The following SERPINA1 variants were observed in gnomAD, a reference collection of about 807,000 sequenced individuals.
The protein encoded by SERPINA1 is alpha-1-antitrypsin.
In SERPINA1, 21 loss-of-function variants were observed where a neutral mutation model predicts 25.4. That is an observed-to-expected ratio of 0.83 (90% CI 0.59 to 1.19). The LOEUF (loss-of-function observed/expected upper bound fraction) is 1.19, where lower values mean the gene tolerates loss of function less well. SERPINA1 is among the 50% of genes most tolerant of loss of function. The pLI, the probability that SERPINA1 is intolerant of heterozygous loss-of-function variation, is 0.00. For synonymous variants in SERPINA1, 218 were observed against 211.1 expected, an observed-to-expected ratio of 1.03 and a Z score of -0.29; for missense variants, 546 against 509.0, an observed-to-expected ratio of 1.07 and a Z score of -0.70.
In SERPINA1 at chr14:94,383,102, T is replaced by G; in HGVS notation, c.136A>C (p.Thr46Pro). 6.2e-7 allele frequency: 1 copy of G among 1,614,150 alleles called. No homozygotes were observed. Residue 46 changes from threonine to proline, a missense_variant, in exon 2 of 5, where the codon ACC becomes CCC. Physicochemically the swap from Thr to Pro is conservative, Grantham distance 38 (BLOSUM62 -1). Coordinates refer to ENST00000393087, the MANE Select transcript of SERPINA1 (RefSeq NM_000295.5). ...DTSHHDQDHP[T>P]FNKITPNLAE... Reference sequence around the variant, plus strand: ...AGGTTGGGGGTGATCTTGTTGAAGGTTGGGTGATCCTGATCATGGTGGGAT... The same window carrying G: ...AGGTTGGGGGTGATCTTGTTGAAGGGTGGGTGATCCTGATCATGGTGGGAT...
intron 1 of SERPINA1, among the ~76,000 whole-genome samples, chr14:94,385,369 G>A (rs925331063): frequency 2.6e-4 from 40 of 152,286 alleles, no homozygotes; most frequent in African/African-American, 9.1e-4. Flanking sequence ...CGCTTTATCT[G>A]CCAGGGTGGA....
chr14:94,382,466 G>T, intron 2 of SERPINA1, 126 bp downstream of exon 2: 1 of 1,108,592 alleles, frequency 9.0e-7, no homozygotes, highest in Non-Finnish European at 1.3e-6. Context: ...GAAAACTGAA[G>T]AATCCACGCT....
At chr14:94,388,159 G>A (rs1897408124) in intron 1 of SERPINA1, among the ~76,000 whole-genome samples, 1 of 152,088 alleles carries the variant, frequency 6.6e-6, no homozygotes, top group African/African-American at 2.4e-5. Context: ...GAGGCTTATA[G>A]GAGACAACAG....
rs143370956 is a variant in SERPINA1 at position 94,378,613 on chromosome 14, C to A, written c.1093G>T (p.Asp365Tyr). The A allele has an allele frequency of 3.7e-6, 6 of 1,613,998 alleles. No homozygotes were observed. The highest frequency in any genetic ancestry group is 1.1e-5 in the South Asian group (1 of 91,082). The change falls in exon 5 of 5, where the codon GAC (aspartate) becomes TAC (tyrosine). Residue 365 changes from aspartate (D) to tyrosine (Y), a missense_variant. Physicochemically the swap from Asp to Tyr is radical, Grantham distance 160. Transcript: ENST00000393087. Reference sequence around the variant, plus strand: ...CCAGCAGCTTCAGTCCCTTTCTCGTCGATGGTCAGCACAGCCTTATGCACG... The same window carrying A: ...CCAGCAGCTTCAGTCCCTTTCTCGTAGATGGTCAGCACAGCCTTATGCACG... The part of the protein sequence containing the change: ...KAVHKAVLTI[D>Y]EKGTEAAGAM...
rs1566759056 is a variant in SERPINA1 at position 94,383,203 on chromosome 14, A to G, written c.35T>C (p.Leu12Pro). 6.2e-7 allele frequency: 1 copy of G among 1,613,982 alleles called. No individual in the cohort carries two copies. Among genetic ancestry groups the G allele is most frequent in the Non-Finnish European group, 8.5e-7 (1 of 1,180,030 alleles). ...PSSVSWGILL[L>P]AGLCCLVPVS... ...AGGGACCAGGCAGCACAGGCCTGCCAGCAGGAGGATGCCCCACGAGACAGA... is the reference window on the plus strand; with the variant it reads ...AGGGACCAGGCAGCACAGGCCTGCCGGCAGGAGGATGCCCCACGAGACAGA... The change falls in exon 2 of 5, where the codon CTG (leucine) becomes CCG (proline). Residue 12 changes from leucine (L) to proline (P), a missense_variant. By Grantham distance (98) the Leu-to-Pro change is moderately conservative (BLOSUM62 -3). Transcript: ENST00000393087.
intron 3 of SERPINA1, among the ~76,000 whole-genome samples, chr14:94,379,812 A>G (rs542692622): frequency 8.5e-6 from 1 of 117,782 alleles, no homozygotes; most frequent in South Asian, 3.1e-4. Flanking sequence ...TTAACATCGA[A>G]TGAATCACAA....
chr14:94,381,391 G>T (rs570882854), intron 2 of SERPINA1, among the ~76,000 whole-genome samples: 8 of 152,182 alleles, frequency 5.3e-5, no homozygotes, highest in Non-Finnish European at 7.3e-5. Context: ...GCGATGTCAG[G>T]CTAAGAGATG....
rs779938258 is a variant in SERPINA1 at position 94,379,592 on chromosome 14, G to A, written c.937C>T (p.Pro313Ser). ...EDRRSASLHL[P>S]KLSITGTYDL... ...TAGGTTCCAGTAATGGACAGTTTGG[G>A]TAAATGTAAGCTGGCAGACCTGTCG... Residue 313 changes from proline (P) to serine (S), a missense_variant, in exon 4 of 5, where the codon CCC becomes TCC. Coordinates refer to ENST00000393087, the MANE Select transcript of SERPINA1 (RefSeq NM_000295.5). 1.9e-6 allele frequency: 3 copies of A among 1,614,198 alleles called. No individual in the cohort carries two copies. Among genetic ancestry groups the A allele is most frequent in the Non-Finnish European group, 1.7e-6 (2 of 1,180,040 alleles).
chr14:94,388,345 G>C (rs566082545), intron 1 of SERPINA1, among the ~76,000 whole-genome samples: 51 of 152,240 alleles, frequency 3.3e-4, no homozygotes, highest in African/African-American at 1.2e-3. Flanking sequence ...AGGTACCGAG[G>C]GGGGACCGGG....
Position 94,377,483 on chromosome 14 carries a change from G to A in SERPINA1, c.*966C>T, listed in dbSNP as rs1159124014. 6.6e-6 allele frequency: 1 copy of A among 152,382 alleles called. No homozygotes were observed. The highest frequency in any genetic ancestry group is 6.5e-5 in the Admixed American group (1 of 15,290). The allele number at this position is 152,382 out of a possible 1,614,324, so 9.4% of individuals were successfully genotyped here. A position where few individuals can be genotyped will look rare whatever the true frequency, so the allele number is the denominator to read the frequency against. On this transcript the variant is annotated 3_prime_UTR_variant, in exon 5 of 5. Transcript: ENST00000393087. ...ATGTGGCCCCAGTCGGGACTCAGAGGAGGAAAGGGAGGGGTTGCGGGGGTC... is the reference window on the plus strand; with the variant it reads ...ATGTGGCCCCAGTCGGGACTCAGAGAAGGAAAGGGAGGGGTTGCGGGGGTC...
At chr14:94,379,370 C>G in intron 4 of SERPINA1, 94 bp downstream of exon 4, 1 of 1,551,764 alleles carries the variant, frequency 6.4e-7, no homozygotes, top group Non-Finnish European at 8.9e-7. Flanking sequence ...TTGTTTCCCT[C>G]GGCCCCTTCC....
chr14:94,381,747 G>T (rs1002731664), intron 2 of SERPINA1, among the ~76,000 whole-genome samples: 3 of 152,200 alleles, frequency 2.0e-5, no homozygotes, highest in Non-Finnish European at 2.9e-5. Flanking sequence ...ACTGGGGCTG[G>T]AGAGGGACCT....
intron 3 of SERPINA1, chr14:94,380,668 C>T (rs1403509664): frequency 4.5e-6 from 3 of 666,216 alleles, no homozygotes; most frequent in Non-Finnish European, 8.0e-6. Context: ...CCCCTGGGTA[C>T]TGTCCTCCTC....
chr14:94,382,854 G>A lies in SERPINA1; in HGVS notation c.384C>T (p.Asn128=). Residue 128 remains asparagine, a synonymous_variant, in exon 2 of 5, where the codon AAC becomes AAT. Transcript: ENST00000393087. ...TCAGCTGGAGCTGGCTGTCTGGCTG[G>A]TTGAGGGTACGGAGGAGTTCCTGGA... ...EGFQELLRTL[N]QPDSQLQLTT... 6.2e-7 allele frequency: 1 copy of A among 1,614,228 alleles called. No homozygotes were observed. The highest frequency in any genetic ancestry group is 8.5e-7 in the Non-Finnish European group (1 of 1,180,034).
chr14:94,379,371 G>C, intron 4 of SERPINA1, 93 bp downstream of exon 4: 1 of 1,553,526 alleles, frequency 6.4e-7, no homozygotes, highest in Non-Finnish European at 8.9e-7. Context: ...TGTTTCCCTC[G>C]GCCCCTTCCT....
Position 94,378,613 on chromosome 14 carries a change from C to G in SERPINA1, c.1093G>C (p.Asp365His), listed in dbSNP as rs143370956. 35 of 1,614,116 alleles carry G rather than the reference C, an allele frequency of 2.2e-5. No individual in the cohort carries two copies. The highest frequency in any genetic ancestry group is 9.9e-5 in the South Asian group (9 of 91,078). ...KAVHKAVLTI[D>H]EKGTEAAGAM... ...CCAGCAGCTTCAGTCCCTTTCTCGT[C>G]GATGGTCAGCACAGCCTTATGCACG... Residue 365 changes from aspartate (D) to histidine (H), a missense_variant, in exon 5 of 5, where the codon GAC becomes CAC. Coordinates refer to ENST00000393087, the MANE Select transcript of SERPINA1 (RefSeq NM_000295.5).
At chr14:94,388,193 G>A (rs1271339046) in intron 1 of SERPINA1, among the ~76,000 whole-genome samples, 3 of 152,130 alleles carry the variant, frequency 2.0e-5, no homozygotes, top group Non-Finnish European at 2.9e-5. Flanking sequence ...ACAGACAGAG[G>A]AGCTGTGCAA....
chr14:94,381,285 C>T (rs900635768), intron 2 of SERPINA1, 144 bp from the exon 3 acceptor site: 7 of 809,992 alleles, frequency 8.6e-6, no homozygotes, highest in Admixed American at 2.3e-5. Context: ...GCTTCATCAT[C>T]TGTAAAAGGT....
Position 94,379,478 on chromosome 14 carries a change from G to A in SERPINA1, c.1051C>T (p.Leu351=), listed in dbSNP as rs1322791235. Residue 351 remains leucine (L), a synonymous_variant, in exon 4 of 5, where the codon CTG becomes TTG. Coordinates refer to ENST00000393087, the MANE Select transcript of SERPINA1 (RefSeq NM_000295.5). ...GGTGATCTCACCTTGGAGAGCTTCAGGGGTGCCTCCTCTGTGACCCCGGAG... is the reference window on the plus strand; with the variant it reads ...GGTGATCTCACCTTGGAGAGCTTCAAGGGTGCCTCCTCTGTGACCCCGGAG... ...DLSGVTEEAP[L]KLSKAVHKAV... The A allele has an allele frequency of 1.2e-6, 2 of 1,614,212 alleles. No individual in the cohort carries two copies. Among genetic ancestry groups the A allele is most frequent in the Non-Finnish European group, 8.5e-7 (1 of 1,180,046 alleles).
Sources: gnomAD v4.1 joint callset for allele counts (sites outside exome capture counted in the v4.1 genomes callset) on GRCh38, gnomAD v4.1.1 for gene constraint, MANE v1.5 for transcripts, NCBI Gene and HGNC (gene_info 2026-07-23, HGNC 2026-07-21) for gene names.